IDO2: variants seen among roughly 807,000 people sequenced by gnomAD.
The protein encoded by IDO2 is indoleamine 2,3-dioxygenase 2.
In IDO2, 46 loss-of-function variants were observed where a neutral mutation model predicts 45.1. The observed-to-expected ratio is 1.02, with a 90% CI of 0.80 to 1.30. The LOEUF (loss-of-function observed/expected upper bound fraction) is 1.30, where lower values mean the gene tolerates loss of function less well. IDO2 is among the 50% of genes most tolerant of loss of function. IDO2 has a pLI of 0.00. For synonymous variants in IDO2, 218 were observed against 184.9 expected (o/e 1.18, Z -1.45); for missense variants, 544 against 491.8 (o/e 1.11, Z -1.00).
At chr8:39,948,396 T>A (rs1458986830) in intron 1 of IDO2, among the ~76,000 whole-genome samples, 1 of 152,122 alleles carries the variant, frequency 6.6e-6, no homozygotes, top group East Asian at 1.9e-4. Context: ...GTGGTTGTGG[T>A]TTATCAAACC....
At chr8:39,955,475 C>T (rs917553478) in intron 2 of IDO2, among the ~76,000 whole-genome samples, 4 of 151,752 alleles carry the variant, frequency 2.6e-5, no homozygotes, top group South Asian at 2.1e-4. Flanking sequence ...AGGCTGGTCT[C>T]GAACTTCTGA....
chr8:40,008,940 A>G (rs1189962580), intron 9 of IDO2, among the ~76,000 whole-genome samples: 1 of 152,158 alleles, frequency 6.6e-6, no homozygotes, highest in Non-Finnish European at 1.5e-5. Flanking sequence ...TCCCATTAGC[A>G]TTGTCTAGAA....
intron 3 of IDO2, 68 bp from the exon 4 acceptor site, chr8:39,978,999 G>C (rs994078199): frequency 1.1e-5 from 17 of 1,496,158 alleles, no homozygotes; most frequent in Admixed American, 2.0e-5. Context: ...CCAGGTCCCC[G>C]GCCCCCGTTA....
chr8:39,949,728 G>A (rs796643782), intron 2 of IDO2, among the ~76,000 whole-genome samples: 1 of 152,228 alleles, frequency 6.6e-6, no homozygotes, highest in Non-Finnish European at 1.5e-5. Context: ...ATCCCCCCAG[G>A]AGCGCTTACT....
chr8:40,005,444 C>T (rs150679551), intron 9 of IDO2, 66 bp downstream of exon 9: 135 of 1,036,242 alleles, frequency 1.3e-4, no homozygotes, highest in African/African-American at 8.7e-4. Context: ...TATAAGGGGA[C>T]GAAGAGACAG....
At chr8:39,952,726 G>C (rs1055757951) in intron 2 of IDO2, among the ~76,000 whole-genome samples, 1 of 152,060 alleles carries the variant, frequency 6.6e-6, no homozygotes, top group African/African-American at 2.4e-5. Flanking sequence ...TACAGCAGGA[G>C]ACAAGAGTGA....
intron 8 of IDO2, among the ~76,000 whole-genome samples, chr8:40,004,894 C>A (rs920787423): frequency 4.6e-5 from 7 of 152,210 alleles, no homozygotes; most frequent in Admixed American, 2.0e-4. Flanking sequence ...CTCTTGTATC[C>A]TTCACTGAAT....
At chr8:39,969,227 T>C (rs1430031555) in intron 3 of IDO2, among the ~76,000 whole-genome samples, 3 of 152,210 alleles carry the variant, frequency 2.0e-5, no homozygotes, top group Non-Finnish European at 4.4e-5. Context: ...ATTTTTCCAA[T>C]AGTGTGTACG....
intron 1 of IDO2, among the ~76,000 whole-genome samples, chr8:39,942,146 C>T (rs1434109967): frequency 6.6e-6 from 1 of 152,098 alleles, no homozygotes; most frequent in Non-Finnish European, 1.5e-5. Context: ...CAACATGAAA[C>T]ATGAGAAAAA....
intron 3 of IDO2, among the ~76,000 whole-genome samples, chr8:39,975,569 A>T (rs1182318740): frequency 1.3e-5 from 2 of 152,190 alleles, no homozygotes; most frequent in African/African-American, 4.8e-5. Flanking sequence ...GAAAGTTAAA[A>T]CCATAATGGG....
chr8:39,962,443 A>C (rs1300848462), intron 2 of IDO2, among the ~76,000 whole-genome samples: 1 of 152,162 alleles, frequency 6.6e-6, no homozygotes, highest in Non-Finnish European at 1.5e-5. Flanking sequence ...AACTTACAGA[A>C]AGGGAAAATT....
chr8:39,943,735 CAAAAAAAA>C (rs61643070), intron 1 of IDO2, among the ~76,000 whole-genome samples: 8 of 89,206 alleles, frequency 9.0e-5, no homozygotes, highest in Non-Finnish European at 6.5e-5. Flanking sequence ...GACTCCATCT[CAAAAAAAA>C]AAAAAAAAAA....
At chr8:39,951,864 T>G (rs1220945774) in intron 2 of IDO2, among the ~76,000 whole-genome samples, 1 of 152,232 alleles carries the variant, frequency 6.6e-6, no homozygotes, top group African/African-American at 2.4e-5. Flanking sequence ...CCCCTCTTTG[T>G]TCTTTCCTCT....
At chr8:39,953,196 C>T (rs1384086240) in intron 2 of IDO2, among the ~76,000 whole-genome samples, 2 of 152,020 alleles carry the variant, frequency 1.3e-5, no homozygotes, top group African/African-American at 4.8e-5. Flanking sequence ...GCCACAGGGC[C>T]AGGCCTGGAG....
At chr8:39,969,797 C>A (rs1396905377) in intron 3 of IDO2, among the ~76,000 whole-genome samples, 1 of 151,532 alleles carries the variant, frequency 6.6e-6, no homozygotes, top group African/African-American at 2.4e-5. Flanking sequence ...ATCGTTTGAA[C>A]CCTGGAAATG....
At chr8:39,941,863 T>C (rs1415481936) in intron 1 of IDO2, among the ~76,000 whole-genome samples, 4 of 151,950 alleles carry the variant, frequency 2.6e-5, no homozygotes, top group Non-Finnish European at 5.9e-5. Flanking sequence ...GGCAGAAGGA[T>C]AGCTACAGCC....
rs771832138 is a variant in IDO2, at chr8:39,979,100, C to A, written c.229C>A (p.His77Asn). The A allele has an allele frequency of 2.8e-5, 44 of 1,598,782 alleles. No individual in the cohort carries two copies. Among genetic ancestry groups the A allele is most frequent in the Non-Finnish European group, 3.5e-5 (41 of 1,173,282 alleles). The change falls in exon 4 of 11, where the codon CAC (histidine) becomes AAC (asparagine). Residue 77 changes from histidine to asparagine, a missense_variant. By Grantham distance (68) the His-to-Asn change is moderately conservative. Transcript: ENST00000502986. ...GCTGAGCTGCCAGTTCCTGAAGGGT[C>A]ACCGGGAGCAGCGCCTGGCCCACCT...
At chr8:39,937,273 A>T (rs541136422) in intron 1 of IDO2, among the ~76,000 whole-genome samples, 55 of 152,364 alleles carry the variant, frequency 3.6e-4, no homozygotes, top group African/African-American at 1.3e-3. Context: ...TATGTTTCAC[A>T]GAAAGGCAAA....
At chr8:39,992,141 C>T (rs1020301773) in intron 8 of IDO2, among the ~76,000 whole-genome samples, 3 of 152,230 alleles carry the variant, frequency 2.0e-5, no homozygotes, top group Non-Finnish European at 4.4e-5. Context: ...GCATTCCTTT[C>T]GACCAGGGGT....
Sources: gnomAD v4.1 joint callset for allele counts (sites outside exome capture counted in the v4.1 genomes callset) on GRCh38, gnomAD v4.1.1 for gene constraint, MANE v1.5 for transcripts, NCBI Gene and HGNC (gene_info 2026-07-23, HGNC 2026-07-21) for gene names.